Variants in AFG1L observed in about 807,000 individuals in gnomAD.
AFG1L encodes the protein AFG1-like ATPase.
AFG1L carries 53 observed loss-of-function variants against 62.2 expected under a neutral mutation model. The ratio of observed to expected loss-of-function variants is 0.85; its 90% CI spans 0.68 to 1.07. AFG1L has a LOEUF of 1.07. Ranked by LOEUF, AFG1L falls within the 50% of genes least tolerant of loss-of-function variation. The pLI is 0.00. For missense variants in AFG1L, 555 were observed against 590.5 expected, an observed-to-expected ratio of 0.94 and a Z score of 0.62; for synonymous variants, 228 against 210.3, an observed-to-expected ratio of 1.08 and a Z score of -0.73.
At chr6:108,318,231 T>C (rs1777680314) in intron 1 of AFG1L, 1 of 302,382 alleles carries the variant, frequency 3.3e-6, no homozygotes, top group Non-Finnish European at 6.4e-6. Flanking sequence ...GTGGCTATCA[T>C]CATCATAGGC....
At chr6:108,467,622 A>G (rs963963805) in intron 8 of AFG1L, among the ~76,000 whole-genome samples, 1 of 152,176 alleles carries the variant, frequency 6.6e-6, no homozygotes, top group Non-Finnish European at 1.5e-5. Flanking sequence ...TGTCTGTATC[A>G]GGTAGAGATC....
At chr6:108,493,951 G>A (rs1049688837) in intron 10 of AFG1L, among the ~76,000 whole-genome samples, 1 of 151,910 alleles carries the variant, frequency 6.6e-6, no homozygotes, top group African/African-American at 2.4e-5. Context: ...ATTCTTGTAC[G>A]TCAGCCTCCT....
chr6:108,313,893 C>A (rs903421560), intron 1 of AFG1L, among the ~76,000 whole-genome samples: 11 of 152,074 alleles, frequency 7.2e-5, no homozygotes, highest in African/African-American at 2.7e-4. Context: ...TCTACTTCCA[C>A]ATAAAAAAAT....
intron 2 of AFG1L, among the ~76,000 whole-genome samples, chr6:108,336,187 G>A (rs1412666810): frequency 2.0e-5 from 3 of 152,100 alleles, no homozygotes; most frequent in Non-Finnish European, 2.9e-5. Flanking sequence ...ATGCTATAAT[G>A]CCAGTTTTTA....
intron 6 of AFG1L, among the ~76,000 whole-genome samples, chr6:108,371,290 A>G (rs1779991897): frequency 6.6e-6 from 1 of 152,180 alleles, no homozygotes; most frequent in Non-Finnish European, 1.5e-5. Context: ...AAAATAAACT[A>G]AACAGGCTGG....
intron 7 of AFG1L, among the ~76,000 whole-genome samples, chr6:108,422,497 A>AAAAAAAAAAAAAAAAAAAG (rs1554196482): frequency 1.7e-4 from 25 of 147,802 alleles, no homozygotes; most frequent in African/African-American, 2.3e-4. Flanking sequence ...AAAAAAAAAA[A>AAAAAAAAAAAAAAAAAAAG]AAGAAGAAGA....
At chr6:108,366,397 A>G in intron 6 of AFG1L, 65 bp downstream of exon 6, 1 of 982,432 alleles carries the variant, frequency 1.0e-6, no homozygotes, top group South Asian at 1.6e-5. Flanking sequence ...TTAAAAATCC[A>G]TAATTTTGAA....
chr6:108,356,396 T>C lies in AFG1L; in HGVS notation c.518-294T>C, dbSNP rs1024313289. Reference sequence around the variant, plus strand: ...CCCTGAAATAAAGGACTAAGGTGGATGTGTTGATGCATCTAATCACTTGTC... The same window carrying C: ...CCCTGAAATAAAGGACTAAGGTGGACGTGTTGATGCATCTAATCACTTGTC... On this transcript the variant is annotated intron_variant, in intron 4 of 12. Coordinates refer to ENST00000368977, the MANE Select transcript of AFG1L (RefSeq NM_145315.5). 5.9e-5 allele frequency among the ~76,000 whole-genome samples: 9 copies of C among 152,336 alleles called. 1 individual carries two copies. The highest frequency in any genetic ancestry group is 2.1e-4 in the South Asian group (1 of 4,824).
intron 7 of AFG1L, among the ~76,000 whole-genome samples, chr6:108,418,137 A>G (rs1770410320): frequency 6.6e-6 from 1 of 152,196 alleles, no homozygotes; most frequent in South Asian, 2.1e-4. Flanking sequence ...TCTATATAGC[A>G]TCATTTTATA....
intron 3 of AFG1L, among the ~76,000 whole-genome samples, chr6:108,352,458 G>T (rs1779120428): frequency 6.6e-6 from 1 of 152,136 alleles, no homozygotes; most frequent in African/African-American, 2.4e-5. Context: ...TATAAACTTT[G>T]TGTGTTGTCC....
At chr6:108,354,630 G>A (rs1368370626) in intron 3 of AFG1L, among the ~76,000 whole-genome samples, 1 of 151,940 alleles carries the variant, frequency 6.6e-6, no homozygotes, top group East Asian at 1.9e-4. Flanking sequence ...TAACAGAGAA[G>A]GCCACTAAGT....
At chr6:108,369,448 G>C (rs1451958947) in intron 6 of AFG1L, among the ~76,000 whole-genome samples, 2 of 151,974 alleles carry the variant, frequency 1.3e-5, no homozygotes, top group Non-Finnish European at 2.9e-5. Context: ...TTTGCCTTAT[G>C]GTCATCACTG....
At chr6:108,459,548 C>T (rs1772377051) in intron 8 of AFG1L, among the ~76,000 whole-genome samples, 2 of 152,138 alleles carry the variant, frequency 1.3e-5, no homozygotes. Flanking sequence ...AGTGTCTAGA[C>T]CATTATTCTG....
chr6:108,421,016 T>C (rs930731668), intron 7 of AFG1L, among the ~76,000 whole-genome samples: 3 of 152,106 alleles, frequency 2.0e-5, no homozygotes, highest in African/African-American at 7.2e-5. Flanking sequence ...GAAATAAAAT[T>C]CTCCCTTTCC....
chr6:108,420,213 T>C (rs965757625), intron 7 of AFG1L, among the ~76,000 whole-genome samples: 1 of 151,868 alleles, frequency 6.6e-6, no homozygotes, highest in Non-Finnish European at 1.5e-5. Flanking sequence ...ATACTTAAGA[T>C]TGAAAGAAAC....
At chr6:108,425,287 G>A (rs566022888) in intron 7 of AFG1L, among the ~76,000 whole-genome samples, 2 of 152,232 alleles carry the variant, frequency 1.3e-5, no homozygotes, top group Non-Finnish European at 2.9e-5. Flanking sequence ...TTGTAAATAA[G>A]GATGGTTGTT....
chr6:108,348,886 T>C (rs1778970585), intron 3 of AFG1L, among the ~76,000 whole-genome samples: 1 of 152,254 alleles, frequency 6.6e-6, no homozygotes, highest in Admixed American at 6.5e-5. Context: ...GAAGCATAAC[T>C]GCTTCCACTT....
chr6:108,362,110 G>A (rs1455691621), intron 5 of AFG1L, among the ~76,000 whole-genome samples: 1 of 152,102 alleles, frequency 6.6e-6, no homozygotes, highest in Admixed American at 6.6e-5. Context: ...ACATATAATA[G>A]CATTTCTCAA....
intron 11 of AFG1L, 139 bp from the exon 12 acceptor site, chr6:108,519,558 G>A: frequency 1.7e-6 from 1 of 572,372 alleles, no homozygotes; most frequent in South Asian, 2.0e-5. Context: ...AAACAATTAG[G>A]GAAAAAAAAT....
Sources: gnomAD v4.1 joint callset for allele counts (sites outside exome capture counted in the v4.1 genomes callset) on GRCh38, gnomAD v4.1.1 for gene constraint, MANE v1.5 for transcripts, NCBI Gene and HGNC (gene_info 2026-07-23, HGNC 2026-07-21) for gene names.